The following ATAD2 variants were observed in gnomAD, a reference collection of about 807,000 sequenced individuals.
ATAD2 encodes the protein ATPase family AAA domain-containing protein 2.
ATAD2 carries 62 observed loss-of-function variants against 168.9 expected under a neutral mutation model. The observed-to-expected ratio is 0.37, with a 90% CI of 0.30 to 0.45. The LOEUF (loss-of-function observed/expected upper bound fraction) is 0.45, where lower values mean the gene tolerates loss of function less well. ATAD2 is among the 20% of genes least tolerant of loss of function. The pLI is 1.00. For synonymous variants in ATAD2, 613 were observed against 571.6 expected, an observed-to-expected ratio of 1.07 and a Z score of -1.03; for missense variants, 1,419 against 1,667.8, an observed-to-expected ratio of 0.85 and a Z score of 2.60.
intron 8 of ATAD2, 59 bp from the exon 9 acceptor site, chr8:123,361,705 TAAGAA>T: frequency 7.2e-7 from 1 of 1,382,212 alleles, no homozygotes; most frequent in Non-Finnish European, 1.0e-6. Flanking sequence ...AGAAAAGGCA[TAAGAA>T]AAGCATCAGA....
At chr8:123,329,611 A>T (rs1241483691) in intron 24 of ATAD2, among the ~76,000 whole-genome samples, 7 of 151,856 alleles carry the variant, frequency 4.6e-5, no homozygotes, top group African/African-American at 1.7e-4. Flanking sequence ...AAATACAAAA[A>T]AATTTGCCGG....
At chr8:123,409,186 A>G (rs751251254) in intron 1 of ATAD2, among the ~76,000 whole-genome samples, 1 of 152,062 alleles carries the variant, frequency 6.6e-6, no homozygotes, top group Non-Finnish European at 1.5e-5. Flanking sequence ...CCGAACATAC[A>G]TAGTTTAATT....
At chr8:123,373,494 A>C (rs955526126) in intron 2 of ATAD2, among the ~76,000 whole-genome samples, 10 of 152,074 alleles carry the variant, frequency 6.6e-5, no homozygotes, top group African/African-American at 2.4e-4. Context: ...CTTAAAATAT[A>C]CTGAAAAAAA....
chr8:123,354,058 C>T (rs528251500), intron 13 of ATAD2, among the ~76,000 whole-genome samples: 7 of 152,158 alleles, frequency 4.6e-5, no homozygotes, highest in South Asian at 2.1e-4. Context: ...TGCTTGAACT[C>T]GGGAGGCAGA....
chr8:123,415,356 A>G (rs1813241051), intron 1 of ATAD2, among the ~76,000 whole-genome samples: 1 of 152,222 alleles, frequency 6.6e-6, no homozygotes, highest in African/African-American at 2.4e-5. Context: ...AAAATTGGTA[A>G]TTGACACAGG....
chr8:123,378,688 CA>C (rs1297060101), intron 2 of ATAD2, among the ~76,000 whole-genome samples: 9 of 69,044 alleles, frequency 1.3e-4, no homozygotes, highest in African/African-American at 6.0e-4. Context: ...GGCAACAGAG[CA>C]AGACTGTGTC....
chr8:123,333,909 T>A lies in ATAD2; in HGVS notation c.3447A>T (p.Thr1149=). The A allele has an allele frequency of 1.2e-6, 2 of 1,614,086 alleles. No homozygotes were observed. The highest frequency in any genetic ancestry group is 1.7e-6 in the Non-Finnish European group (2 of 1,179,976). Residue 1149 remains threonine, a synonymous_variant, in exon 24 of 28, where the codon ACA becomes ACT. Transcript: ENST00000287394. The part of the protein sequence containing the change: ...SDPEQNEKLK[T]PSTPVACSTP... The stretch of plus-strand genomic sequence containing the variant: ...TGCTGCAAGCCACAGGAGTACTCGG[T>A]GTCTTTAGCTTTTCATTCTGCTCTG...
chr8:123,394,736 A>G (rs1179985462), intron 1 of ATAD2, among the ~76,000 whole-genome samples: 1 of 152,216 alleles, frequency 6.6e-6, no homozygotes, highest in Non-Finnish European at 1.5e-5. Flanking sequence ...TAAATAATCA[A>G]TCAGTATTGA....
Position 123,349,482 on chromosome 8 carries a change from T to C in ATAD2, c.1647-38A>G, listed in dbSNP as rs772995541. ...AATAAGAGAGAAGAGATTAATACTA[T>C]GAACACAGTCTATATCATTCAGTAA... On this transcript the variant is annotated intron_variant, in intron 13 of 27. Transcript: ENST00000287394. The C allele has an allele frequency of 1.4e-5, 21 of 1,554,646 alleles. No homozygotes were observed. In the Admixed American group the frequency reaches 1.7e-4, roughly 12 times the overall value.
At chr8:123,390,317 C>G (rs945844238) in intron 1 of ATAD2, among the ~76,000 whole-genome samples, 8 of 152,084 alleles carry the variant, frequency 5.3e-5, no homozygotes, top group African/African-American at 1.9e-4. Context: ...CTTCTTAGCT[C>G]TAGGTTTTTG....
intron 2 of ATAD2, among the ~76,000 whole-genome samples, chr8:123,378,373 T>G (rs1470697462): frequency 1.3e-5 from 2 of 152,154 alleles, no homozygotes; most frequent in African/African-American, 4.8e-5. Flanking sequence ...GGCATAACCT[T>G]GCTTATCTAG....
In ATAD2 at chr8:123,359,547, C is replaced by T. The variant is rs200014536; in HGVS notation, c.1266+30G>A. 2.6e-6 allele frequency: 4 copies of T among 1,541,818 alleles called. No individual in the cohort carries two copies. In the African/African-American group the frequency reaches 4.1e-5, roughly 16 times the overall value. ...AACTAAAACAAAGCACATTATAGTT[C>T]AAGCATATGTTTCAAAACAGAGTAC... On this transcript the variant is annotated intron_variant, in intron 10 of 27. Coordinates refer to ENST00000287394, the MANE Select transcript of ATAD2 (RefSeq NM_014109.4).
chr8:123,396,808 C>T (rs552766005), upstream of ATAD2, among the ~76,000 whole-genome samples: 1 of 152,156 alleles, frequency 6.6e-6, no homozygotes, highest in African/African-American at 2.4e-5. Context: ...GTCTCCTCCC[C>T]ACCCCTGTTG....
Position 123,369,091 on chromosome 8 carries a change from C to T in ATAD2, c.1016G>A (p.Gly339Glu), listed in dbSNP as rs539753129. The change falls in exon 8 of 28, where the codon GGA becomes GAA. Residue 339 changes from glycine (G) to glutamate (E), a missense_variant. By Grantham distance (98) the Gly-to-Glu change is moderately conservative (BLOSUM62 -2). This residue lies in a region of ATAD2 where 419 missense variants were observed against 423.5 expected (regional missense o/e 0.99). Coordinates refer to ENST00000287394, the MANE Select transcript of ATAD2 (RefSeq NM_014109.4). ...TCGTTTACAGTAAGGACTTCTTGGTCCTGCGGAAGATAATCGGTATCTTGG... is the reference window on the plus strand; with the variant it reads ...TCGTTTACAGTAAGGACTTCTTGGTTCTGCGGAAGATAATCGGTATCTTGG... ...ARPRYRLSSA[G>E]PRSPYCKRMN... 2.5e-6 allele frequency: 4 copies of T among 1,595,582 alleles called. No homozygotes were observed. The South Asian group carries it at 4.5e-5, about 18-fold the overall frequency.
intron 13 of ATAD2, among the ~76,000 whole-genome samples, chr8:123,349,696 A>T (rs567932318): frequency 5.8e-4 from 88 of 152,154 alleles, no homozygotes; most frequent in African/African-American, 2.1e-3. Flanking sequence ...TTTATAAAGC[A>T]TAATTTCACA....
intron 2 of ATAD2, among the ~76,000 whole-genome samples, chr8:123,379,956 C>T (rs1475114851): frequency 5.3e-5 from 8 of 149,774 alleles, no homozygotes; most frequent in African/African-American, 1.5e-4. Flanking sequence ...GCATGATCTC[C>T]GCTCACTGCA....
Position 123,372,693 on chromosome 8 carries a change from TTTAAAAAA to T in ATAD2, c.321-15_321-8del. On this transcript the variant is annotated splice_polypyrimidine_tract_variant and splice_region_variant and intron_variant, in intron 2 of 27. Transcript: ENST00000287394. ...CTGCTGTCTGGCCAACTGCCTATAT[TTTAAAAAA>T]TTAGATTAATTCAAAATAATTGACA... The T allele has an allele frequency of 6.4e-7, 1 of 1,573,634 alleles. No homozygotes were observed. Among genetic ancestry groups the T allele is most frequent in the Non-Finnish European group, 8.6e-7 (1 of 1,161,338 alleles).
chr8:123,357,436 G>T, intron 12 of ATAD2, 126 bp downstream of exon 12: 1 of 933,598 alleles, frequency 1.1e-6, no homozygotes, highest in Non-Finnish European at 1.5e-6. Context: ...AAATAATCTA[G>T]AAAGAAATAG....
intron 24 of ATAD2, among the ~76,000 whole-genome samples, chr8:123,333,386 G>A (rs1827830283): frequency 7.4e-6 from 1 of 135,936 alleles, no homozygotes; most frequent in East Asian, 2.1e-4. Flanking sequence ...CTCCAGCCTG[G>A]GTGACAGAGC....
Sources: allele counts gnomAD v4.1 joint callset (sites outside exome capture counted in the v4.1 genomes callset), GRCh38; gene constraint gnomAD v4.1.1; regional missense constraint gnomAD v4.1.1; transcripts MANE v1.5; gene names NCBI Gene and HGNC (gene_info 2026-07-23, HGNC 2026-07-21).